Variants in KATNAL2 observed in about 807,000 individuals in gnomAD.
The protein encoded by KATNAL2 is katanin p60 ATPase-containing subunit A-like 2.
KATNAL2 carries 52 observed loss-of-function variants against 76.3 expected under a neutral mutation model. That is an observed-to-expected ratio of 0.68 (90% CI 0.55 to 0.86). The LOEUF (loss-of-function observed/expected upper bound fraction) is 0.86, where lower values mean the gene tolerates loss of function less well. Ranked by LOEUF, KATNAL2 falls within the 40% of genes least tolerant of loss-of-function variation. The probability of loss-of-function intolerance (pLI) is 0.00; values close to 1 mark genes in which losing one functional copy is unlikely to be tolerated. For synonymous variants in KATNAL2, 243 were observed against 244.2 expected (o/e 1.00, Z 0.05); for missense variants, 660 against 668.9 (o/e 0.99, Z 0.15).
chr18:46,956,765 A>G (rs2059760643), intron 3 of KATNAL2, among the ~76,000 whole-genome samples: 1 of 152,118 alleles, frequency 6.6e-6, no homozygotes, highest in African/African-American at 2.4e-5. Flanking sequence ...TGATGAGGCC[A>G]GGCATGGTGG....
intron 6 of KATNAL2, 131 bp from the exon 7 acceptor site, chr18:47,058,104 G>A (rs535891756): frequency 1.5e-4 from 100 of 668,920 alleles, no homozygotes; most frequent in African/African-American, 1.2e-3. Flanking sequence ...TAGGTGGAAG[G>A]GCCCTATAGT....
intron 3 of KATNAL2, chr18:47,034,455 ACTTGCCCAGGAGGGCATC>A: frequency 6.2e-7 from 1 of 1,614,172 alleles, no homozygotes; most frequent in Middle Eastern, 1.6e-4. Flanking sequence ...TGTCCCTGGC[ACTTGCCCAGGAGGGCATC>A]CTTGGGGTTT....
At chr18:46,944,005 G>A (rs1307008323) in intron 1 of KATNAL2, among the ~76,000 whole-genome samples, 1 of 152,118 alleles carries the variant, frequency 6.6e-6, no homozygotes, top group East Asian at 1.9e-4. Flanking sequence ...TGTCTTATTT[G>A]CGAAAACTAT....
rs115508786 is a variant in KATNAL2 at position 46,951,358 on chromosome 18, A to G, written c.51+4435A>G. ...ACTTCCTTCCTAGACTTTCCAACAG[A>G]ACTGTAAAATTCTCAATGTGGGGAA... On this transcript the variant is annotated intron_variant, in intron 3 of 17. Transcript: ENST00000683218. 5.3e-3 allele frequency among the ~76,000 whole-genome samples: 796 copies of G among 151,344 alleles called. 5 individuals are homozygous for G. Among genetic ancestry groups the G allele is most frequent in the African/African-American group, 0.018 (740 of 41,240 alleles).
intron 15 of KATNAL2, among the ~76,000 whole-genome samples, chr18:47,089,887 C>T (rs1357148989): frequency 6.6e-6 from 1 of 151,992 alleles, no homozygotes; most frequent in Non-Finnish European, 1.5e-5. Context: ...AAAGGTCAGT[C>T]ATGTGTTCAA....
intron 15 of KATNAL2, 44 bp from the exon 16 acceptor site, chr18:47,099,197 AGT>A: frequency 6.5e-7 from 1 of 1,548,792 alleles, no homozygotes; most frequent in South Asian, 1.2e-5. Context: ...TTGTTCAGGA[AGT>A]GTGTTTGCAG....
At chr18:47,037,079 T>C (rs1320223903) in intron 3 of KATNAL2, among the ~76,000 whole-genome samples, 1 of 152,234 alleles carries the variant, frequency 6.6e-6, no homozygotes. Context: ...CTGTTTGTTT[T>C]TGAGATTGAA....
intron 6 of KATNAL2, among the ~76,000 whole-genome samples, chr18:47,057,911 A>G (rs1386150074): frequency 2.6e-5 from 4 of 152,182 alleles, no homozygotes; most frequent in African/African-American, 9.7e-5. Context: ...GGAACAATGG[A>G]AGAATGCTTG....
intron 1 of KATNAL2, among the ~76,000 whole-genome samples, chr18:46,945,586 T>C (rs2059363804): frequency 6.6e-6 from 1 of 152,216 alleles, no homozygotes; most frequent in African/African-American, 2.4e-5. Context: ...AAAAGAGCAC[T>C]GGCTTCAGTC....
intron 16 of KATNAL2, among the ~76,000 whole-genome samples, chr18:47,100,024 A>C (rs986694649): frequency 6.6e-6 from 1 of 152,174 alleles, no homozygotes; most frequent in Admixed American, 6.5e-5. Flanking sequence ...ATCTTACAGC[A>C]TATTTCGATG....
intron 1 of KATNAL2, among the ~76,000 whole-genome samples, chr18:46,929,884 C>T (rs1010521281): frequency 6.6e-6 from 1 of 152,140 alleles, no homozygotes; most frequent in Admixed American, 6.6e-5. Context: ...GAGTGATTCT[C>T]CTGTCTCAGT....
chr18:47,054,914 G>A (rs551687605), intron 6 of KATNAL2, among the ~76,000 whole-genome samples: 13 of 152,320 alleles, frequency 8.5e-5, no homozygotes, highest in South Asian at 8.3e-4. Context: ...GTGAGCTCAG[G>A]CTTCTGGCTT....
rs2061416359 is a variant in KATNAL2 at position 47,054,426 on chromosome 18, G to A, written c.320G>A (p.Gly107Glu). The A allele has an allele frequency of 6.2e-7, 1 of 1,613,742 alleles. No homozygotes were observed. The highest frequency in any genetic ancestry group is 8.5e-7 in the Non-Finnish European group (1 of 1,179,668). The stretch of plus-strand genomic sequence containing the variant: ...AATAATTTACCGCAAAGAAGTAGAG[G>A]GAAGACCAGAAGGTAAAGTGAATGG... ...AENNLPQRSR[G>E]KTRRMMNDSC... Residue 107 changes from glycine (G) to glutamate (E), a missense_variant, in exon 6 of 18, where the codon GGG (glycine) becomes GAG (glutamate). Physicochemically the swap from Gly to Glu is moderately conservative, Grantham distance 98. Transcript: ENST00000683218.
chr18:46,968,808 T>TGCTGCCGCCGCCGCTCAC, intron 3 of KATNAL2: 1 of 397,004 alleles, frequency 2.5e-6, no homozygotes, highest in South Asian at 2.9e-5. Flanking sequence ...TGCCGGTTGC[T>TGCTGCCGCCGCCGCTCAC]GCTGCCGCCG....
chr18:46,930,904 C>A (rs1353897047), intron 1 of KATNAL2, among the ~76,000 whole-genome samples: 1 of 151,930 alleles, frequency 6.6e-6, no homozygotes, highest in Admixed American at 6.6e-5. Context: ...AGTTTGAGAC[C>A]AGCCTGGCCA....
At chr18:47,097,307 C>T (rs2063291167) in intron 15 of KATNAL2, among the ~76,000 whole-genome samples, 1 of 152,094 alleles carries the variant, frequency 6.6e-6, no homozygotes, top group Admixed American at 6.6e-5. Flanking sequence ...ATACTTACTA[C>T]TTGCTGAGAG....
At chr18:46,926,236 C>T (rs138780259) in intron 1 of KATNAL2, among the ~76,000 whole-genome samples, 48,587 of 149,328 alleles carry the variant, frequency 0.33, 8,582 homozygotes, top group Middle Eastern at 0.46. Context: ...CTATAAATTT[C>T]CCTCTACACA....
At chr18:47,058,657 C>G (rs771999417) in intron 7 of KATNAL2, among the ~76,000 whole-genome samples, 1 of 151,760 alleles carries the variant, frequency 6.6e-6, no homozygotes, top group African/African-American at 2.4e-5. Context: ...GCCTGGTTGC[C>G]TTGATCCTCC....
chr18:46,955,168 T>TTCTTTCTTTCTTTCTC (rs2059701240), intron 3 of KATNAL2, among the ~76,000 whole-genome samples: 3 of 147,750 alleles, frequency 2.0e-5, no homozygotes, highest in South Asian at 4.4e-4. Flanking sequence ...CTTTCTTTCT[T>TTCTTTCTTTCTTTCTC]TCTTTCTTTC....
Sources: allele counts gnomAD v4.1 joint callset (sites outside exome capture counted in the v4.1 genomes callset), GRCh38; gene constraint gnomAD v4.1.1; transcripts MANE v1.5; gene names NCBI Gene and HGNC (gene_info 2026-07-23, HGNC 2026-07-21).